Variants in CHCHD6 observed in about 807,000 individuals in gnomAD.
CHCHD6 encodes the protein coiled-coil-helix-coiled-coil-helix domain containing 6, also known as MICOS complex subunit MIC25.
Under a neutral mutation model 32.3 loss-of-function variants are expected in CHCHD6, and 28 were observed. The ratio of observed to expected loss-of-function variants is 0.87; its 90% CI spans 0.64 to 1.19. CHCHD6 has a LOEUF of 1.19. Ranked by LOEUF, CHCHD6 falls within the 50% of genes most tolerant of loss-of-function variation. The probability of loss-of-function intolerance (pLI) is 0.00; values close to 1 mark genes in which losing one functional copy is unlikely to be tolerated. For missense variants in CHCHD6, 333 were observed against 307.0 expected, an observed-to-expected ratio of 1.08 and a Z score of -0.63; for synonymous variants, 122 against 117.5, an observed-to-expected ratio of 1.04 and a Z score of -0.25.
intron 4 of CHCHD6, among the ~76,000 whole-genome samples, chr3:126,839,850 A>T (rs184097469): frequency 6.6e-6 from 1 of 152,106 alleles, no homozygotes; most frequent in Non-Finnish European, 1.5e-5. Flanking sequence ...ACACATTTCC[A>T]TGGTTTTTAG....
chr3:126,753,736 A>C (rs1936831014), intron 4 of CHCHD6, among the ~76,000 whole-genome samples: 1 of 152,188 alleles, frequency 6.6e-6, no homozygotes, highest in Non-Finnish European at 1.5e-5. Flanking sequence ...GAGAGGGCCC[A>C]CGGGTTTGGT....
At chr3:126,906,103 C>A (rs1323395889) in intron 5 of CHCHD6, among the ~76,000 whole-genome samples, 1 of 152,196 alleles carries the variant, frequency 6.6e-6, no homozygotes, top group Non-Finnish European at 1.5e-5. Context: ...TCCTCAGCAC[C>A]TCACTCCCAC....
At chr3:126,817,658 C>A (rs1014649245) in intron 4 of CHCHD6, among the ~76,000 whole-genome samples, 1 of 152,226 alleles carries the variant, frequency 6.6e-6, no homozygotes. Context: ...TCTCCCTCTG[C>A]TGAACCTGAT....
At chr3:126,833,103 C>T (rs1242019288) in intron 4 of CHCHD6, among the ~76,000 whole-genome samples, 1 of 152,194 alleles carries the variant, frequency 6.6e-6, no homozygotes, top group African/African-American at 2.4e-5. Flanking sequence ...TGCATGTGCC[C>T]ACATGCCACT....
At chr3:126,750,311 C>T (rs530960962) in intron 4 of CHCHD6, among the ~76,000 whole-genome samples, 8 of 152,302 alleles carry the variant, frequency 5.3e-5, no homozygotes, top group African/African-American at 9.6e-5. Context: ...AGGCAGCTGA[C>T]CTCAGGGCTT....
chr3:126,782,195 C>T (rs1283743110), intron 4 of CHCHD6, among the ~76,000 whole-genome samples: 1 of 152,172 alleles, frequency 6.6e-6, no homozygotes, highest in Non-Finnish European at 1.5e-5. Flanking sequence ...TCACCAGAAC[C>T]CGTGAACATT....
intron 1 of CHCHD6, among the ~76,000 whole-genome samples, chr3:126,716,821 TA>T (rs1193667788): frequency 6.6e-6 from 1 of 151,584 alleles, no homozygotes. Flanking sequence ...GTGGGGTTGA[TA>T]GGGGGGCTGG....
chr3:126,910,491 A>G (rs569648562), intron 5 of CHCHD6, among the ~76,000 whole-genome samples: 64 of 152,046 alleles, frequency 4.2e-4, no homozygotes, highest in Non-Finnish European at 7.9e-4. Flanking sequence ...GGCTCCTCGC[A>G]CTGCTGCCTG....
intron 4 of CHCHD6, among the ~76,000 whole-genome samples, chr3:126,775,588 C>T (rs1054608470): frequency 2.0e-5 from 3 of 152,134 alleles, no homozygotes; most frequent in East Asian, 3.8e-4. Flanking sequence ...TAAAGTATTA[C>T]GGAGTTAGCA....
intron 4 of CHCHD6, among the ~76,000 whole-genome samples, chr3:126,735,428 A>T (rs2107660769): frequency 6.6e-6 from 1 of 152,340 alleles, no homozygotes; most frequent in Middle Eastern, 3.4e-3. Context: ...TTTTAAAAAC[A>T]TTTAACTACT....
chr3:126,923,717 T>A (rs947673212), intron 6 of CHCHD6, among the ~76,000 whole-genome samples: 1 of 152,246 alleles, frequency 6.6e-6, no homozygotes, highest in Non-Finnish European at 1.5e-5. Flanking sequence ...CACACTTCCC[T>A]TACTTCTAAA....
chr3:126,938,219 G>A (rs1233176286), intron 6 of CHCHD6, among the ~76,000 whole-genome samples: 1 of 152,198 alleles, frequency 6.6e-6, no homozygotes, highest in Non-Finnish European at 1.5e-5. Flanking sequence ...AGAGGGGAGT[G>A]GGAGGATGCT....
chr3:126,738,490 C>G (rs1247851558), intron 4 of CHCHD6, among the ~76,000 whole-genome samples: 1 of 152,232 alleles, frequency 6.6e-6, no homozygotes. Context: ...TCCTCTCCTA[C>G]ATTTTTATTG....
At chr3:126,765,433 G>T (rs1218802873) in intron 4 of CHCHD6, among the ~76,000 whole-genome samples, 1 of 152,208 alleles carries the variant, frequency 6.6e-6, no homozygotes, top group Non-Finnish European at 1.5e-5. Flanking sequence ...GTGCTGACAC[G>T]CAAGGAAGGA....
chr3:126,746,598 AC>A (rs1264731039), intron 4 of CHCHD6, among the ~76,000 whole-genome samples: 1 of 152,064 alleles, frequency 6.6e-6, no homozygotes, highest in Non-Finnish European at 1.5e-5. Flanking sequence ...TCTCTAGCTG[AC>A]TGGTTGGACA....
At chr3:126,729,457 T>C (rs1935683564) in intron 2 of CHCHD6, among the ~76,000 whole-genome samples, 1 of 152,228 alleles carries the variant, frequency 6.6e-6, no homozygotes, top group Admixed American at 6.5e-5. Context: ...AGCCCCGTTA[T>C]TTTTGTAGTT....
intron 5 of CHCHD6, among the ~76,000 whole-genome samples, chr3:126,861,406 G>A (rs372515496): frequency 5.9e-5 from 9 of 151,874 alleles, no homozygotes; most frequent in South Asian, 2.1e-4. Flanking sequence ...TTTCTACTTC[G>A]GATCATTATG....
chr3:126,836,641 G>A (rs749446741), intron 4 of CHCHD6, among the ~76,000 whole-genome samples: 21 of 152,216 alleles, frequency 1.4e-4, no homozygotes, highest in African/African-American at 2.9e-4. Context: ...GAGTGAAACA[G>A]CAGTGGGGAC....
chr3:126,929,055 C>T (rs188078795), intron 6 of CHCHD6, among the ~76,000 whole-genome samples: 2 of 152,290 alleles, frequency 1.3e-5, no homozygotes, highest in Non-Finnish European at 2.9e-5. Flanking sequence ...AGTTCTGCCC[C>T]CTGAGGCTTT....
Sources: allele counts gnomAD v4.1 joint callset (sites outside exome capture counted in the v4.1 genomes callset), GRCh38; gene constraint gnomAD v4.1.1; transcripts MANE v1.5; gene names NCBI Gene and HGNC (gene_info 2026-07-23, HGNC 2026-07-21).